WDR37: variants seen among roughly 807,000 people sequenced by gnomAD.
WDR37 encodes the protein WD repeat domain 37.
A neutral mutation model predicts 62.9 loss-of-function variants in WDR37; 19 were observed. The observed-to-expected ratio is 0.30, with a 90% CI of 0.21 to 0.44. WDR37 has a LOEUF of 0.44. Ranked by LOEUF, WDR37 falls within the 20% of genes least tolerant of loss-of-function variation. The pLI is 1.00. For missense variants in WDR37, 474 were observed against 657.6 expected (o/e 0.72, Z 3.05); for synonymous variants, 250 against 260.9 (o/e 0.96, Z 0.40).
In WDR37 at chr10:1,060,689, A is replaced by T. The variant is rs566675669; in HGVS notation, c.-41+3721A>T. On this transcript the variant is annotated intron_variant, in intron 1 of 13. Transcript: ENST00000263150. ...CTCTTTACAGTTCTATAATCAGTTT[A>T]TTAGTGTTTAGTCTGTTAAATACAA... 9.2e-4 allele frequency among the ~76,000 whole-genome samples: 140 copies of T among 152,336 alleles called. 2 individuals carry two copies. The highest frequency in any genetic ancestry group is 3.2e-3 in the African/African-American group (134 of 41,578).
intron 8 of WDR37, among the ~76,000 whole-genome samples, chr10:1,093,966 A>T (rs971194513): frequency 2.0e-5 from 3 of 152,190 alleles, no homozygotes; most frequent in Non-Finnish European, 4.4e-5. Context: ...CTATAATTTC[A>T]GAGTAGTTTT....
chr10:1,063,060 TG>T (rs1833420470), intron 1 of WDR37, among the ~76,000 whole-genome samples: 1 of 148,888 alleles, frequency 6.7e-6, no homozygotes, highest in Non-Finnish European at 1.5e-5. Context: ...CACTCCAGCC[TG>T]GGGAACAGAG....
intron 7 of WDR37, among the ~76,000 whole-genome samples, chr10:1,090,948 G>C (rs965901870): frequency 6.6e-6 from 1 of 152,164 alleles, no homozygotes; most frequent in African/African-American, 2.4e-5. Flanking sequence ...TGCTCCAGCC[G>C]GCCTGTTGAC....
At chr10:1,069,385 A>ATG (rs1564496938) in intron 1 of WDR37, among the ~76,000 whole-genome samples, 3 of 28,472 alleles carry the variant, frequency 1.1e-4, no homozygotes. Flanking sequence ...ATATATATAT[A>ATG]TATATTTTTT....
At chr10:1,119,059 A>G (rs140457558) in intron 11 of WDR37, among the ~76,000 whole-genome samples, 204 of 152,360 alleles carry the variant, frequency 1.3e-3, no homozygotes, top group Admixed American at 3.3e-3. Flanking sequence ...ACATGAGTGC[A>G]TCGGCGTTAG....
At position 1,116,357 on chromosome 10, in the gene WDR37, C is replaced by T. The variant is rs139047609; in HGVS notation, c.1104-7861C>T. Among the ~76,000 whole-genome samples the T allele has an allele frequency of 5.8e-3, 887 of 152,138 alleles. 10 individuals carry two copies. Among genetic ancestry groups the T allele is most frequent in the African/African-American group, 0.02 (820 of 41,494 alleles). ...TCTCTGTTCTGTCTCTCAGTCCTCC[C>T]GTCACCCACCTCACCCTGGGTCTCC... On this transcript the variant is annotated intron_variant, in intron 11 of 13. Transcript: ENST00000263150.
chr10:1,093,169 T>G (rs550278192), intron 7 of WDR37, among the ~76,000 whole-genome samples: 1 of 152,320 alleles, frequency 6.6e-6, no homozygotes, highest in East Asian at 1.9e-4. Flanking sequence ...CCTGATTTAT[T>G]TTTAGCTAAA....
intron 11 of WDR37, among the ~76,000 whole-genome samples, chr10:1,110,611 G>T (rs1286983879): frequency 6.6e-6 from 1 of 152,248 alleles, no homozygotes; most frequent in Non-Finnish European, 1.5e-5. Context: ...CGGGGTGCGG[G>T]TTTAGTTCCT....
Position 1,121,773 on chromosome 10 carries a change from G to T in WDR37, c.1104-2445G>T, listed in dbSNP as rs1419037722. Among the ~76,000 whole-genome samples, 2 of 152,124 alleles carry T rather than the reference G, an allele frequency of 1.3e-5. No individual in the cohort carries two copies. The highest frequency in any genetic ancestry group is 2.9e-5 in the Non-Finnish European group (2 of 68,030). On this transcript the variant is annotated intron_variant, in intron 11 of 13. Coordinates refer to ENST00000263150, the MANE Select transcript of WDR37 (RefSeq NM_014023.4). The surrounding 1 kb of genome is among the most constrained non-coding windows in gnomAD (Gnocchi z 4.5). ...CGACCAGACATCAGGTCCTAGCGGG[G>T]GAATAAGTGTCAGCAATCCACACCG...
chr10:1,069,389 A>ATATATTTTTTTTTTTTTTTTTTTTTTTT, intron 1 of WDR37, among the ~76,000 whole-genome samples: 1 of 95,806 alleles, frequency 1.0e-5, no homozygotes, highest in Non-Finnish European at 1.9e-5. Flanking sequence ...ATATATATAT[A>ATATATTTTTTTTTTTTTTTTTTTTTTTT]TTTTTTTTTT....
chr10:1,124,926 G>A lies in WDR37; in HGVS notation c.1255G>A (p.Gly419Ser), dbSNP rs372306149. 2.1e-4 allele frequency: 334 copies of A among 1,613,880 alleles called. No individual in the cohort carries two copies. The highest frequency in any genetic ancestry group is 2.7e-4 in the Non-Finnish European group (313 of 1,179,996). Residue 419 changes from glycine to serine, a missense_variant, in exon 13 of 14, where the codon GGC becomes AGC. By Grantham distance (56) the Gly-to-Ser change is moderately conservative (BLOSUM62 0). Transcript: ENST00000263150. ...SAINRINVCVGQKIIALPHDN... is the reference protein window; with the variant it reads ...SAINRINVCVSQKIIALPHDN... ...TCTTTGCAGGATCAATGTATGTGTCGGCCAAAAAATCATAGCCCTCCCCCA... is the reference window on the plus strand; with the variant it reads ...TCTTTGCAGGATCAATGTATGTGTCAGCCAAAAAATCATAGCCCTCCCCCA...
intron 11 of WDR37, among the ~76,000 whole-genome samples, chr10:1,111,827 G>GAAATAATA (rs1211766163): frequency 6.6e-6 from 1 of 152,140 alleles, no homozygotes; most frequent in African/African-American, 2.4e-5. Flanking sequence ...GTTGTTATTA[G>GAAATAATA]AAATAATAAA....
At position 1,100,887 on chromosome 10, in the gene WDR37, C is replaced by T. The variant is rs370125367; in HGVS notation, c.727-2715C>T. 5.7e-4 allele frequency among the ~76,000 whole-genome samples: 87 copies of T among 152,208 alleles called. 1 individual carries two copies. The highest frequency in any genetic ancestry group is 2.0e-3 in the African/African-American group (82 of 41,462). ...GCTGCAGCCTGTCTGGGGGCCTCTGCCAGCCTTGTGAGCCTCGGGCCCCCC... is the reference window on the plus strand; with the variant it reads ...GCTGCAGCCTGTCTGGGGGCCTCTGTCAGCCTTGTGAGCCTCGGGCCCCCC... On this transcript the variant is annotated intron_variant, in intron 9 of 13. Coordinates refer to ENST00000263150, the MANE Select transcript of WDR37 (RefSeq NM_014023.4).
At chr10:1,084,322 G>T in intron 5 of WDR37, 81 bp from the exon 6 acceptor site, 1 of 1,532,640 alleles carries the variant, frequency 6.5e-7, no homozygotes, top group Non-Finnish European at 8.9e-7. Flanking sequence ...TTTCCAAGAC[G>T]TCTTTTTCGT....
intron 1 of WDR37, among the ~76,000 whole-genome samples, chr10:1,060,073 A>G (rs1359379407): frequency 6.6e-6 from 1 of 152,210 alleles, no homozygotes; most frequent in African/African-American, 2.4e-5. Flanking sequence ...TCCTGACCTC[A>G]GGTGATCCGC....
chr10:1,067,582 G>A (rs867684131), intron 1 of WDR37, among the ~76,000 whole-genome samples: 2 of 152,256 alleles, frequency 1.3e-5, no homozygotes, highest in Middle Eastern at 3.4e-3. Flanking sequence ...TAAAAAACCC[G>A]AATAATACTG....
intron 13 of WDR37, among the ~76,000 whole-genome samples, chr10:1,126,261 C>G (rs988472981): frequency 6.6e-6 from 1 of 152,044 alleles, no homozygotes; most frequent in Non-Finnish European, 1.5e-5. Flanking sequence ...AAAAAATCAG[C>G]CAGGCGTGGT....
intron 1 of WDR37, among the ~76,000 whole-genome samples, chr10:1,059,802 A>G (rs544895690): frequency 6.6e-4 from 100 of 152,174 alleles, no homozygotes; most frequent in Non-Finnish European, 1.1e-3. Context: ...GTCTCAAAAA[A>G]TATATATATA....
At chr10:1,101,440 C>T (rs1834798616) in intron 9 of WDR37, among the ~76,000 whole-genome samples, 1 of 152,182 alleles carries the variant, frequency 6.6e-6, no homozygotes, top group Non-Finnish European at 1.5e-5. Context: ...GGAATAGGAT[C>T]CACTCTCCTG....
Sources: allele counts gnomAD v4.1 joint callset (sites outside exome capture counted in the v4.1 genomes callset), GRCh38; gene constraint gnomAD v4.1.1; non-coding constraint Gnocchi (gnomAD v3.1); transcripts MANE v1.5; gene names NCBI Gene and HGNC (gene_info 2026-07-23, HGNC 2026-07-21).